The following AGBL4 variants were observed in gnomAD, a reference collection of about 807,000 sequenced individuals.
The protein encoded by AGBL4 is cytosolic carboxypeptidase 6.
AGBL4 carries 58 observed loss-of-function variants against 66.4 expected under a neutral mutation model. The ratio of observed to expected loss-of-function variants is 0.87; its 90% CI spans 0.71 to 1.09. The LOEUF (loss-of-function observed/expected upper bound fraction) is 1.09. AGBL4 is among the 50% of genes least tolerant of loss of function. The pLI is 0.00. For synonymous variants in AGBL4, 234 were observed against 222.9 expected, an observed-to-expected ratio of 1.05 and a Z score of -0.44; for missense variants, 579 against 631.0, an observed-to-expected ratio of 0.92 and a Z score of 0.88.
intron 6 of AGBL4, among the ~76,000 whole-genome samples, chr1:48,771,191 T>C (rs1193964068): frequency 6.6e-6 from 1 of 152,160 alleles, no homozygotes; most frequent in Non-Finnish European, 1.5e-5. Context: ...CCAGAGAAAA[T>C]GTCTCCAGAT....
chr1:49,112,150 G>C (rs964101714), intron 4 of AGBL4, among the ~76,000 whole-genome samples: 1 of 152,214 alleles, frequency 6.6e-6, no homozygotes, highest in Admixed American at 6.5e-5. Flanking sequence ...GATTTGAAGT[G>C]ATTAAGGCAT....
intron 7 of AGBL4, among the ~76,000 whole-genome samples, chr1:48,654,222 A>G (rs1645982896): frequency 6.6e-6 from 1 of 152,120 alleles, no homozygotes; most frequent in Non-Finnish European, 1.5e-5. Context: ...CTTCTAACCC[A>G]GGCTACCATC....
Position 49,895,857 on chromosome 1 carries a change from C to T in AGBL4, c.35-44339G>A, listed in dbSNP as rs1402215127. On this transcript the variant is annotated intron_variant, in intron 1 of 13. Transcript: ENST00000371839. ...CAGAAAACAAATAACAAAATGGCAA[C>T]ACAAGTCCTTATTTATCAATAATAA... Among the ~76,000 whole-genome samples the T allele has an allele frequency of 2.0e-5, 3 of 150,682 alleles. No individual in the cohort carries two copies. The East Asian group carries it at 5.9e-4, about 29-fold the overall frequency.
chr1:49,931,509 G>A (rs1392376764), intron 1 of AGBL4, among the ~76,000 whole-genome samples: 3 of 152,118 alleles, frequency 2.0e-5, no homozygotes, highest in Admixed American at 2.0e-4. Context: ...GGAAGTGCCA[G>A]ACACTTATCA....
intron 3 of AGBL4, among the ~76,000 whole-genome samples, chr1:49,358,364 A>C (rs1644063265): frequency 6.6e-6 from 1 of 152,076 alleles, no homozygotes; most frequent in Non-Finnish European, 1.5e-5. Flanking sequence ...GCTTATGGGT[A>C]CACTCTCGTG....
intron 4 of AGBL4, among the ~76,000 whole-genome samples, chr1:49,224,665 AG>A (rs1161335206): frequency 2.6e-5 from 4 of 151,394 alleles, no homozygotes; most frequent in African/African-American, 9.7e-5. Context: ...AGGATTCAGC[AG>A]TACCAAAAAA....
At chr1:48,739,794 C>T (rs1649631709) in intron 6 of AGBL4, among the ~76,000 whole-genome samples, 2 of 152,206 alleles carry the variant, frequency 1.3e-5, no homozygotes, top group South Asian at 2.1e-4. Flanking sequence ...TTCTCTTGTC[C>T]AGGAATAAAT....
intron 2 of AGBL4, among the ~76,000 whole-genome samples, chr1:49,704,505 G>T (rs543052315): frequency 2.2e-4 from 34 of 151,984 alleles, no homozygotes; most frequent in African/African-American, 8.2e-4. Flanking sequence ...ATGTGTAGAA[G>T]AAAATATAAA....
At chr1:49,773,435 T>C (rs1401745082) in intron 2 of AGBL4, among the ~76,000 whole-genome samples, 1 of 152,168 alleles carries the variant, frequency 6.6e-6, no homozygotes, top group African/African-American at 2.4e-5. Flanking sequence ...TGGAGTAGCT[T>C]TGGTAGCTTT....
intron 5 of AGBL4, among the ~76,000 whole-genome samples, chr1:49,027,398 G>A (rs1463717553): frequency 6.6e-6 from 1 of 151,992 alleles, no homozygotes; most frequent in Non-Finnish European, 1.5e-5. Context: ...CCTGACCTCA[G>A]GTGATCCACC....
At chr1:49,166,749 T>A (rs973971246) in intron 4 of AGBL4, among the ~76,000 whole-genome samples, 1 of 152,142 alleles carries the variant, frequency 6.6e-6, no homozygotes, top group Non-Finnish European at 1.5e-5. Context: ...CTCTTCATAG[T>A]TCTGTTCAGC....
chr1:49,325,122 A>T (rs1016350738), intron 3 of AGBL4, among the ~76,000 whole-genome samples: 3 of 152,138 alleles, frequency 2.0e-5, no homozygotes, highest in African/African-American at 7.2e-5. Flanking sequence ...TCCTGGGTTC[A>T]CACCATTCTC....
At chr1:48,891,213 T>A (rs1650928764) in intron 5 of AGBL4, among the ~76,000 whole-genome samples, 1 of 152,196 alleles carries the variant, frequency 6.6e-6, no homozygotes, top group African/African-American at 2.4e-5. Context: ...AGTCACTAAA[T>A]GTTTTTGAGT....
At chr1:48,662,794 A>G (rs1475586137) in intron 7 of AGBL4, among the ~76,000 whole-genome samples, 1 of 152,148 alleles carries the variant, frequency 6.6e-6, no homozygotes, top group Non-Finnish European at 1.5e-5. Flanking sequence ...ATACACATTG[A>G]CCTGGGGCCA....
At chr1:48,807,566 C>T (rs1299588846) in intron 6 of AGBL4, among the ~76,000 whole-genome samples, 1 of 152,218 alleles carries the variant, frequency 6.6e-6, no homozygotes, top group African/African-American at 2.4e-5. Context: ...TCTCCATCCC[C>T]AGTCTGCTTT....
chr1:49,014,158 A>G (rs963797603), intron 5 of AGBL4, among the ~76,000 whole-genome samples: 5 of 152,178 alleles, frequency 3.3e-5, no homozygotes, highest in Non-Finnish European at 1.5e-5. Flanking sequence ...ACTGAGCTGT[A>G]TAAGTATTTT....
intron 6 of AGBL4, among the ~76,000 whole-genome samples, chr1:48,830,465 A>G (rs1393689496): frequency 6.6e-6 from 1 of 152,242 alleles, no homozygotes; most frequent in Non-Finnish European, 1.5e-5. Context: ...CTATTGCCTA[A>G]CCTGTCTGTC....
chr1:49,153,755 A>C (rs1646381734), intron 4 of AGBL4, among the ~76,000 whole-genome samples: 1 of 151,988 alleles, frequency 6.6e-6, no homozygotes, highest in Non-Finnish European at 1.5e-5. Context: ...TGAGGAGGCC[A>C]CTAGATAATC....
At chr1:49,809,831 G>A (rs1422100188) in intron 2 of AGBL4, among the ~76,000 whole-genome samples, 1 of 152,076 alleles carries the variant, frequency 6.6e-6, no homozygotes, top group Admixed American at 6.6e-5. Flanking sequence ...AAGTACTGCT[G>A]CTGGGAAGTT....
Sources: gnomAD v4.1 joint callset for allele counts (sites outside exome capture counted in the v4.1 genomes callset) on GRCh38, gnomAD v4.1.1 for gene constraint, MANE v1.5 for transcripts, NCBI Gene and HGNC (gene_info 2026-07-23, HGNC 2026-07-21) for gene names.